Variants in CPVL observed in about 807,000 individuals in gnomAD.
The protein encoded by CPVL is carboxypeptidase vitellogenic like, also known as probable serine carboxypeptidase CPVL.
Under a neutral mutation model 63.7 loss-of-function variants are expected in CPVL, and 51 were observed. That is an observed-to-expected ratio of 0.80 (90% CI 0.64 to 1.01). CPVL has a LOEUF of 1.01. Among genes scored for constraint, CPVL ranks in the 50% least tolerant of loss-of-function variants. The pLI is 0.00. For synonymous variants in CPVL, 195 were observed against 206.0 expected (o/e 0.95, Z 0.46); for missense variants, 530 against 573.1 (o/e 0.92, Z 0.77).
At chr7:29,099,003 T>A (rs2128615101) in intron 3 of CPVL, among the ~76,000 whole-genome samples, 1 of 152,186 alleles carries the variant, frequency 6.6e-6, no homozygotes, top group Non-Finnish European at 1.5e-5. Context: ...AGGCGGTCAT[T>A]GCGGTGAGCC....
At chr7:29,132,570 G>A (rs1302300370) in intron 1 of CPVL, among the ~76,000 whole-genome samples, 2 of 152,134 alleles carry the variant, frequency 1.3e-5, no homozygotes, top group African/African-American at 4.8e-5. Context: ...GTGTGAATCT[G>A]AGGATTGCTG....
At chr7:29,139,421 C>T (rs1473186823) in intron 1 of CPVL, among the ~76,000 whole-genome samples, 2 of 151,888 alleles carry the variant, frequency 1.3e-5, no homozygotes, top group Non-Finnish European at 2.9e-5. Context: ...GGATGATTCA[C>T]GCAGGCTACC....
chr7:29,055,696 G>T (rs1790662167), intron 11 of CPVL, among the ~76,000 whole-genome samples: 1 of 152,200 alleles, frequency 6.6e-6, no homozygotes, highest in Admixed American at 6.5e-5. Context: ...CAGCCCAGCT[G>T]CCAGCTGCCA....
At chr7:29,003,575 G>A (rs1265428286) in intron 12 of CPVL, among the ~76,000 whole-genome samples, 1 of 152,194 alleles carries the variant, frequency 6.6e-6, no homozygotes, top group African/African-American at 2.4e-5. Flanking sequence ...CACAAGTAAG[G>A]AGTATCAATA....
At chr7:29,156,583 C>A (rs949432690) in intron 5 of CPVL, among the ~76,000 whole-genome samples, 1 of 152,130 alleles carries the variant, frequency 6.6e-6, no homozygotes, top group Non-Finnish European at 1.5e-5. Context: ...AAGGCATCCC[C>A]GATAAAGGTC....
chr7:29,121,094 A>G, intron 1 of CPVL, 23 bp from the exon 2 acceptor site: 1 of 1,548,920 alleles, frequency 6.5e-7, no homozygotes, highest in Non-Finnish European at 8.7e-7. Flanking sequence ...CAGCATTCCA[A>G]AAATGAATCA....
At position 29,071,905 on chromosome 7, in the gene CPVL, C is replaced by T; in HGVS notation, c.733-1G>A. 4 of 1,613,798 alleles carry T rather than the reference C, an allele frequency of 2.5e-6. No homozygotes were observed. The highest frequency in any genetic ancestry group is 3.4e-6 in the Non-Finnish European group (4 of 1,179,902). ...GGAATTCTGCATAGCCCCCTATAATCTGAGGACAAAAAAGACACACATCAA... is the reference window on the plus strand; with the variant it reads ...GGAATTCTGCATAGCCCCCTATAATTTGAGGACAAAAAAGACACACATCAA... On this transcript the variant is annotated splice_acceptor_variant, in intron 8 of 12. Transcript: ENST00000265394. LOFTEE classifies it high-confidence loss of function.
intron 12 of CPVL, chr7:29,001,153 A>T (rs1784591236): frequency 1.3e-5 from 2 of 152,166 alleles, no homozygotes; most frequent in African/African-American, 4.8e-5. Context: ...TCCGATATAA[A>T]GGTTAAGTGA....
chr7:29,163,907 T>A (rs769845123), intron 5 of CPVL, among the ~76,000 whole-genome samples: 4 of 152,254 alleles, frequency 2.6e-5, no homozygotes, highest in African/African-American at 9.6e-5. Flanking sequence ...AATATATTTG[T>A]CCATTTACTT....
At chr7:29,161,465 T>C (rs1171133477) in intron 5 of CPVL, among the ~76,000 whole-genome samples, 1 of 152,126 alleles carries the variant, frequency 6.6e-6, no homozygotes, top group Non-Finnish European at 1.5e-5. Flanking sequence ...TCTACTTATC[T>C]CGAACCCCAC....
intron 12 of CPVL, among the ~76,000 whole-genome samples, chr7:29,005,176 C>A (rs1311771971): frequency 6.6e-6 from 1 of 151,926 alleles, no homozygotes; most frequent in Admixed American, 6.6e-5. Flanking sequence ...CTGAGATTAC[C>A]CATCGCGCCT....
chr7:29,152,384 A>G (rs183229649), intron 5 of CPVL, among the ~76,000 whole-genome samples: 50 of 152,276 alleles, frequency 3.3e-4, no homozygotes, highest in Non-Finnish European at 6.5e-4. Context: ...AGGTGCCAGA[A>G]AGCCAGTCCC....
intron 1 of CPVL, among the ~76,000 whole-genome samples, chr7:29,121,431 G>C (rs1410004605): frequency 6.6e-6 from 1 of 152,072 alleles, no homozygotes; most frequent in African/African-American, 2.4e-5. Context: ...CTCCCAAAGT[G>C]CTGGGATTAT....
intron 5 of CPVL, among the ~76,000 whole-genome samples, chr7:29,156,175 C>A (rs920941420): frequency 5.3e-5 from 8 of 152,180 alleles, no homozygotes; most frequent in African/African-American, 1.9e-4. Context: ...GGTCTATCTT[C>A]CATTCCCCCA....
At chr7:29,093,122 A>T (rs1785999667) in intron 5 of CPVL, among the ~76,000 whole-genome samples, 3 of 152,072 alleles carry the variant, frequency 2.0e-5, no homozygotes, top group Admixed American at 2.0e-4. Flanking sequence ...GCAGTGGCTC[A>T]CTTCTGTAAT....
intron 7 of CPVL, chr7:29,081,268 A>G (rs317725): frequency 0.94 from 143,396 of 152,328 alleles, 67,842 homozygotes; most frequent in South Asian, 0.99. Context: ...AACACAGCTT[A>G]TTTCTCTTTT....
intron 2 of CPVL, chr7:29,186,367 G>A (rs1562815281): frequency 6.6e-6 from 1 of 152,170 alleles, no homozygotes; most frequent in Non-Finnish European, 1.5e-5. Flanking sequence ...TAGATTACCT[G>A]GGCCCAGGAG....
chr7:29,133,796 T>A (rs2128661137), intron 1 of CPVL, among the ~76,000 whole-genome samples: 1 of 152,302 alleles, frequency 6.6e-6, no homozygotes, highest in Non-Finnish European at 1.5e-5. Flanking sequence ...AGATGGAAAG[T>A]GAACAGATAG....
intron 11 of CPVL, among the ~76,000 whole-genome samples, chr7:29,054,142 T>C (rs1790479866): frequency 1.3e-5 from 2 of 152,170 alleles, no homozygotes; most frequent in South Asian, 4.1e-4. Flanking sequence ...CCTTAACAAA[T>C]GTTAACATTT....
Sources: allele counts gnomAD v4.1 joint callset (sites outside exome capture counted in the v4.1 genomes callset), GRCh38; gene constraint gnomAD v4.1.1; transcripts MANE v1.5; gene names NCBI Gene and HGNC (gene_info 2026-07-23, HGNC 2026-07-21).